MAPK10: variants seen among roughly 807,000 people sequenced by gnomAD.
MAPK10 encodes the protein mitogen-activated protein kinase 10.
A neutral mutation model predicts 59.3 loss-of-function variants in MAPK10; 25 were observed. That is an observed-to-expected ratio of 0.42 (90% confidence interval 0.31 to 0.59). MAPK10 has a LOEUF of 0.59. Ranked by LOEUF, MAPK10 falls within the 20% of genes least tolerant of loss-of-function variation. The pLI is 0.15. For missense variants in MAPK10, 351 were observed against 568.9 expected (o/e 0.62, Z 3.90); for synonymous variants, 190 against 200.5 (o/e 0.95, Z 0.44).
chr4:86,448,738 T>G (rs1013462451), intron 1 of MAPK10, among the ~76,000 whole-genome samples: 1 of 152,294 alleles, frequency 6.6e-6, no homozygotes, highest in African/African-American at 2.4e-5. Context: ...TTCAGGATGA[T>G]TCAAGTGCAT....
intron 2 of MAPK10, among the ~76,000 whole-genome samples, chr4:86,266,520 C>G (rs1418692595): frequency 6.6e-6 from 1 of 152,140 alleles, no homozygotes; most frequent in Non-Finnish European, 1.5e-5. Context: ...TCAGCATCCT[C>G]TAAGCCAAAT....
chr4:86,431,554 G>T lies in MAPK10; in HGVS notation c.-122+21476C>A, dbSNP rs147275512. Among the ~76,000 whole-genome samples the T allele has an allele frequency of 1.3e-3, 195 of 152,224 alleles. 1 individual carries two copies. Among genetic ancestry groups the T allele is most frequent in the Admixed American group, 2.2e-3 (34 of 15,294 alleles). The stretch of plus-strand genomic sequence containing the variant: ...AAATATAGAAATAGTATTTAATTTG[G>T]CTTAACCCAGTGTTGCAGGTATCAA... On this transcript the variant is annotated intron_variant, in intron 1 of 13. Coordinates refer to the MAPK10 transcript ENST00000361569.
intron 4 of MAPK10, among the ~76,000 whole-genome samples, chr4:86,116,065 C>G (rs1292874519): frequency 6.6e-6 from 1 of 152,166 alleles, no homozygotes; most frequent in Non-Finnish European, 1.5e-5. Context: ...GAAAATTGAT[C>G]CATCACCTCA....
rs1208933123 is a variant in MAPK10 at position 86,014,301 on chromosome 4, G to GGGGT, written c.*2923_*2926dup. 9.7e-6 allele frequency: 1 copy of GGGGT among 103,460 alleles called. No homozygotes were observed. The allele number at this position is 103,460 out of a possible 1,614,324, so 6.4% of individuals were successfully genotyped here. On this transcript the variant is annotated 3_prime_UTR_variant, in exon 14 of 14. Coordinates refer to ENST00000641462, the MANE Select transcript of MAPK10 (RefSeq NM_138982.4). ...ACAGGTGACTATTTAAGAAATATTT[G>GGGGT]GGGTGTGTGTGTGTGTGTGTGTGTG...
At chr4:86,105,814 G>A (rs2056441808) in intron 5 of MAPK10, among the ~76,000 whole-genome samples, 1 of 152,006 alleles carries the variant, frequency 6.6e-6, no homozygotes. Context: ...ATATGAGTGT[G>A]CAGTTCATAA....
rs138840121 is a variant in MAPK10, at chr4:86,188,058, G to A, written c.66+6278C>T. On this transcript the variant is annotated intron_variant, in intron 3 of 13. Transcript: ENST00000641462. ...AATGATGGTTTCCAGCTTCATCCAT[G>A]TCCCTGCAAAGGACATGAACTCATC... is the stretch of plus-strand genomic sequence containing the variant. Among the ~76,000 whole-genome samples the A allele has an allele frequency of 1.2e-4, 19 of 152,226 alleles. No homozygotes were observed. The East Asian group carries it at 3.5e-3, about 28-fold the overall frequency.
At position 86,508,771 on chromosome 4, in the gene MAPK10, A is replaced by T. The variant is rs1579433061; in HGVS notation, c.-263+85139T>A. On this transcript the variant is annotated intron_variant, in intron 1 of 4. Coordinates refer to the MAPK10 transcript ENST00000502302. ...GCCACTGGGATGGTCACCATGATCTAAACCACCAGTGTAAACTTCCTGACA... is the reference window on the plus strand; with the variant it reads ...GCCACTGGGATGGTCACCATGATCTTAACCACCAGTGTAAACTTCCTGACA... Among the ~76,000 whole-genome samples, 3 of 152,338 alleles carry T rather than the reference A, an allele frequency of 2.0e-5. No homozygotes were observed. The East Asian group carries it at 5.8e-4, about 29-fold the overall frequency.
At chr4:86,139,172 G>GA (rs539728573) in intron 4 of MAPK10, among the ~76,000 whole-genome samples, 8 of 142,224 alleles carry the variant, frequency 5.6e-5, no homozygotes, top group East Asian at 2.1e-4. Context: ...CACAGAATTG[G>GA]AAAAAACTAC....
intron 1 of MAPK10, among the ~76,000 whole-genome samples, chr4:86,593,254 C>T (rs1233965742): frequency 6.6e-6 from 1 of 152,208 alleles, no homozygotes; most frequent in Non-Finnish European, 1.5e-5. Context: ...GATCTCTCCA[C>T]TTTGGAGCCA....
chr4:86,170,943 TG>T, intron 3 of MAPK10: 1 of 151,602 alleles, frequency 6.6e-6, no homozygotes, highest in South Asian at 2.1e-4. Context: ...CTCAACTACA[TG>T]GAAACTGAAC....
chr4:86,234,433 T>G (rs1312172080), intron 2 of MAPK10, among the ~76,000 whole-genome samples: 1 of 152,052 alleles, frequency 6.6e-6, no homozygotes, highest in East Asian at 1.9e-4. Flanking sequence ...ATATAAACAG[T>G]TTCTGTTCTA....
Position 86,273,093 on chromosome 4 carries a change from T to C in MAPK10, c.-6-78686A>G, listed in dbSNP as rs144679867. ...AAACTAAGGTGACAACATTTAATTA[T>C]GGAATCTCACTATTTTACCATTTTT... On this transcript the variant is annotated intron_variant, in intron 2 of 13. Coordinates refer to ENST00000641462, the MANE Select transcript of MAPK10 (RefSeq NM_138982.4). 5.8e-3 allele frequency among the ~76,000 whole-genome samples: 886 copies of C among 152,238 alleles called. 8 individuals carry two copies. Among genetic ancestry groups the C allele is most frequent in the African/African-American group, 0.02 (832 of 41,564 alleles).
chr4:86,499,294 G>A (rs1755121645), intron 1 of MAPK10, among the ~76,000 whole-genome samples: 1 of 152,072 alleles, frequency 6.6e-6, no homozygotes, highest in Non-Finnish European at 1.5e-5. Flanking sequence ...CAGTTCAGAG[G>A]AGATTTACAC....
At chr4:86,089,565 TA>T (rs140667545) in intron 9 of MAPK10, 1 of 276,198 alleles carries the variant, frequency 3.6e-6, no homozygotes, top group African/African-American at 2.2e-5. Context: ...GGTTTTGATT[TA>T]AAAGGTCTAA....
intron 2 of MAPK10, among the ~76,000 whole-genome samples, chr4:86,241,800 C>A (rs1225917802): frequency 6.6e-6 from 1 of 152,160 alleles, no homozygotes; most frequent in African/African-American, 2.4e-5. Context: ...CATAGTTTTT[C>A]ATTACCCATC....
chr4:86,159,154 G>A (rs763553556), intron 4 of MAPK10, 144 bp downstream of exon 4: 535 of 552,144 alleles, frequency 9.7e-4, no homozygotes, highest in Non-Finnish European at 1.5e-3. Context: ...TGCTCATAAT[G>A]TTATTTTTTT....
At chr4:86,227,303 C>T (rs776059971) in intron 2 of MAPK10, among the ~76,000 whole-genome samples, 37 of 151,898 alleles carry the variant, frequency 2.4e-4, no homozygotes, top group Non-Finnish European at 4.9e-4. Context: ...CTGGCTAACA[C>T]GGTGAAATCC....
chr4:86,409,701 T>A (rs1744874452), intron 1 of MAPK10, among the ~76,000 whole-genome samples: 1 of 152,184 alleles, frequency 6.6e-6, no homozygotes, highest in Non-Finnish European at 1.5e-5. Flanking sequence ...GGCTCTCTGT[T>A]TGCCTATTAT....
At chr4:86,060,035 T>C (rs540261854) in intron 11 of MAPK10, among the ~76,000 whole-genome samples, 49 of 152,324 alleles carry the variant, frequency 3.2e-4, no homozygotes, top group African/African-American at 1.2e-3. Flanking sequence ...GAACTGTCTC[T>C]GGGCATCTCT....
Sources: allele counts gnomAD v4.1 joint callset (sites outside exome capture counted in the v4.1 genomes callset), GRCh38; gene constraint gnomAD v4.1.1; transcripts MANE v1.5; gene names NCBI Gene and HGNC (gene_info 2026-07-23, HGNC 2026-07-21).